UGGT1: variants seen among roughly 807,000 people sequenced by gnomAD.
UGGT1 encodes the protein UDP-glucose glycoprotein glucosyltransferase 1, also known as UDP-glucose:glycoprotein glucosyltransferase 1.
In UGGT1, 107 loss-of-function variants were observed where a neutral mutation model predicts 203.9. The ratio of observed to expected loss-of-function variants is 0.52; its 90% CI spans 0.45 to 0.62. UGGT1 has a LOEUF of 0.62. Among genes scored for constraint, UGGT1 ranks in the 20% least tolerant of loss-of-function variants. The pLI, the probability that UGGT1 is intolerant of heterozygous loss-of-function variation, is 0.00. For synonymous variants in UGGT1, 628 were observed against 653.5 expected (o/e 0.96, Z 0.59); for missense variants, 1,673 against 1,867.2 (o/e 0.90, Z 1.92).
At chr2:128,129,974 A>C (rs1688795330) in intron 13 of UGGT1, among the ~76,000 whole-genome samples, 1 of 152,060 alleles carries the variant, frequency 6.6e-6, no homozygotes, top group Non-Finnish European at 1.5e-5. Context: ...GAATGTGGGG[A>C]ATAGGGCTGG....
intron 2 of UGGT1, among the ~76,000 whole-genome samples, 162 bp downstream of exon 2, chr2:128,097,726 A>G (rs1047332175): frequency 5.9e-5 from 9 of 152,238 alleles, no homozygotes; most frequent in Admixed American, 1.3e-4. Flanking sequence ...GGCTGTTAGG[A>G]CATAGCATCA....
chr2:128,101,230 G>C (rs1333652792), intron 2 of UGGT1, among the ~76,000 whole-genome samples: 2 of 152,180 alleles, frequency 1.3e-5, no homozygotes, highest in African/African-American at 4.8e-5. Context: ...GTCTGTGGGA[G>C]ACCCTGATGT....
At position 128,178,529 on chromosome 2, in the gene UGGT1, T is replaced by G; in HGVS notation, c.3775T>G (p.Phe1259Val). The G allele has an allele frequency of 6.2e-7, 1 of 1,613,748 alleles. No homozygotes were observed. The highest frequency in any genetic ancestry group is 8.5e-7 in the Non-Finnish European group (1 of 1,180,022). The change falls in exon 34 of 41, where the codon TTC becomes GTC. Residue 1259 changes from phenylalanine to valine, a missense_variant. By Grantham distance (50) the Phe-to-Val change is conservative. Around this residue, in one of 4 missense-constraint regions of UGGT1, gnomAD observed 513 missense variants for 684.1 expected, o/e 0.75. Coordinates refer to ENST00000259253, the MANE Select transcript of UGGT1 (RefSeq NM_020120.4). Reference protein sequence around the residue: ...KQDKDDIINIFSVASGHLYER... With the variant: ...KQDKDDIINIVSVASGHLYER... ...AGATAAAGATGACATAATTAATATT[T>G]TCTCCGTTGCATCTGGTCATCTCTA...
intron 11 of UGGT1, among the ~76,000 whole-genome samples, chr2:128,126,235 C>G (rs1222869515): frequency 6.6e-6 from 1 of 151,216 alleles, no homozygotes; most frequent in Non-Finnish European, 1.5e-5. Flanking sequence ...AACCATCATG[C>G]TTGACCAAAA....
At chr2:128,100,018 A>AACC (rs1553431313) in intron 2 of UGGT1, among the ~76,000 whole-genome samples, 4 of 34,910 alleles carry the variant, frequency 1.1e-4, no homozygotes, top group Non-Finnish European at 1.6e-4. Context: ...GAGATTTACA[A>AACC]CCCCCCCCCC....
intron 18 of UGGT1, among the ~76,000 whole-genome samples, chr2:128,151,480 C>T (rs2104706015): frequency 6.6e-6 from 1 of 152,280 alleles, no homozygotes; most frequent in Admixed American, 6.5e-5. Flanking sequence ...CCAACATGTA[C>T]AGTGAGCCAT....
At chr2:128,111,740 C>G (rs931659242) in intron 5 of UGGT1, among the ~76,000 whole-genome samples, 1 of 151,884 alleles carries the variant, frequency 6.6e-6, no homozygotes, top group Non-Finnish European at 1.5e-5. Context: ...CGTGATCCGC[C>G]CGCCTCGGCC....
chr2:128,183,497 C>G (rs561690111), intron 37 of UGGT1, among the ~76,000 whole-genome samples, 178 bp from the exon 38 acceptor site: 1 of 152,334 alleles, frequency 6.6e-6, no homozygotes, highest in East Asian at 1.9e-4. Context: ...ATAGATTTTG[C>G]AGTGACTTTC....
At position 128,187,500 on chromosome 2, in the gene UGGT1, G is replaced by A; in HGVS notation, c.4528G>A (p.Val1510Ile). ...EPKLEAAVRI[V>I]PEWQDYDQEI... ...GAAACTGGAAGCAGCTGTGCGGATT[G>A]TCCCGGAGTGGCAGGACTACGACCA... The change falls in exon 40 of 41, where the codon GTC (valine) becomes ATC (isoleucine). Residue 1510 changes from valine to isoleucine, a missense_variant. Physicochemically the swap from Val to Ile is conservative, Grantham distance 29. This residue lies in a region of UGGT1 where 513 missense variants were observed against 684.1 expected (regional missense o/e 0.75). Coordinates refer to ENST00000259253, the MANE Select transcript of UGGT1 (RefSeq NM_020120.4). The A allele has an allele frequency of 1.2e-6, 2 of 1,614,174 alleles. No individual in the cohort carries two copies. The highest frequency in any genetic ancestry group is 1.7e-6 in the Non-Finnish European group (2 of 1,180,038).
In UGGT1 at chr2:128,187,470, G is replaced by A. The variant is rs1213960425; in HGVS notation, c.4498G>A (p.Glu1500Lys). 1 of 1,613,894 alleles carries A rather than the reference G, an allele frequency of 6.2e-7. No individual in the cohort carries two copies. The highest frequency in any genetic ancestry group is 1.1e-5 in the South Asian group (1 of 91,072). Reference protein sequence around the residue: ...IDLCNNPMTKEPKLEAAVRIV... With the variant: ...IDLCNNPMTKKPKLEAAVRIV... ...ACAGTGTAATAATCCGATGACCAAA[G>A]AGCCGAAACTGGAAGCAGCTGTGCG... Residue 1500 changes from glutamate to lysine, a missense_variant, in exon 40 of 41, where the codon GAG (glutamate) becomes AAG (lysine). By Grantham distance (56) the Glu-to-Lys change is moderately conservative. This residue lies in a region of UGGT1 where 513 missense variants were observed against 684.1 expected (regional missense o/e 0.75). Coordinates refer to ENST00000259253, the MANE Select transcript of UGGT1 (RefSeq NM_020120.4).
intron 25 of UGGT1, among the ~76,000 whole-genome samples, chr2:128,163,662 C>T (rs917573276): frequency 3.3e-5 from 5 of 150,698 alleles, no homozygotes; most frequent in African/African-American, 4.9e-5. Context: ...TTGCAGTGAG[C>T]GAGATCGCGC....
chr2:128,109,779 G>A, intron 5 of UGGT1, 33 bp downstream of exon 5: 1 of 1,549,402 alleles, frequency 6.5e-7, no homozygotes, highest in Admixed American at 1.7e-5. Flanking sequence ...TTCATGTCAT[G>A]CATTTCCAGT....
Position 128,094,289 on chromosome 2 carries a change from G to T in UGGT1, c.58+2874G>T, listed in dbSNP as rs116101259. On this transcript the variant is annotated intron_variant, in intron 1 of 40. Coordinates refer to ENST00000259253, the MANE Select transcript of UGGT1 (RefSeq NM_020120.4). ...AGAAAAACTCTGTAACTTTTGGGGA[G>T]AATTTTTTCTCTCAGCCACAGAGGA... Among the ~76,000 whole-genome samples, 671 of 152,138 alleles carry T rather than the reference G, an allele frequency of 4.4e-3. 2 individuals are homozygous for T. Among genetic ancestry groups the T allele is most frequent in the African/African-American group, 0.015 (637 of 41,480 alleles).
chr2:128,165,823 G>A (rs186595261), intron 26 of UGGT1, among the ~76,000 whole-genome samples: 3 of 151,442 alleles, frequency 2.0e-5, no homozygotes, highest in East Asian at 1.9e-4. Context: ...ATGCAGTAGC[G>A]TGATCTCAGC....
At chr2:128,135,096 G>A in intron 15 of UGGT1, 135 bp downstream of exon 15, 1 of 731,112 alleles carries the variant, frequency 1.4e-6, no homozygotes, top group Non-Finnish European at 2.3e-6. Flanking sequence ...TTATCTTCTG[G>A]TCAGTATGAA....
In UGGT1 at chr2:128,115,188, A is replaced by G; in HGVS notation, c.761A>G (p.Glu254Gly). The change falls in exon 7 of 41, where the codon GAG (glutamate) becomes GGG (glycine). Residue 254 changes from glutamate to glycine, a missense_variant. Glu to Gly is a moderately conservative substitution (Grantham distance 98, BLOSUM62 -2). This residue lies in a region of UGGT1 where 1,073 missense variants were observed against 1,078.7 expected (regional missense o/e 0.99). Coordinates refer to ENST00000259253, the MANE Select transcript of UGGT1 (RefSeq NM_020120.4). Reference protein sequence around the residue: ...YGVELAIKSTEYKAKDDTQVK... With the variant: ...YGVELAIKSTGYKAKDDTQVK... ...GTGGAATTGGCCATTAAGAGCACTG[A>G]GTACAAGGCCAAGGATGATACTCAG... 1 of 1,614,084 alleles carries G rather than the reference A, an allele frequency of 6.2e-7. No individual in the cohort carries two copies. The highest frequency in any genetic ancestry group is 8.5e-7 in the Non-Finnish European group (1 of 1,179,966).
chr2:128,140,588 T>G (rs984620191), intron 16 of UGGT1: 22 of 152,288 alleles, frequency 1.4e-4, no homozygotes, highest in African/African-American at 5.3e-4. Context: ...GCTCCATGTC[T>G]CTTGGGCTCT....
At chr2:128,141,420 A>G (rs1245623185) in intron 16 of UGGT1, among the ~76,000 whole-genome samples, 1 of 152,018 alleles carries the variant, frequency 6.6e-6, no homozygotes, top group Non-Finnish European at 1.5e-5. Context: ...TGGCTTTAAC[A>G]CAGTGAAACC....
intron 9 of UGGT1, among the ~76,000 whole-genome samples, chr2:128,120,763 TTATC>T (rs916940383): frequency 4.1e-4 from 63 of 152,310 alleles, no homozygotes; most frequent in African/African-American, 9.6e-4. Flanking sequence ...CTTCAACTGT[TTATC>T]TATAGAGTGT....
Sources: gnomAD v4.1 joint callset for allele counts (sites outside exome capture counted in the v4.1 genomes callset) on GRCh38, gnomAD v4.1.1 for gene constraint, gnomAD v4.1.1 regional missense constraint, MANE v1.5 for transcripts, NCBI Gene and HGNC (gene_info 2026-07-23, HGNC 2026-07-21) for gene names.